The following CYP2C18 variants were observed in gnomAD, a reference collection of about 807,000 sequenced individuals.
CYP2C18 encodes the protein cytochrome P450 family 2 subfamily C member 18.
CYP2C18 carries 38 observed loss-of-function variants against 41.3 expected under a neutral mutation model. The observed-to-expected ratio is 0.92, with a 90% CI of 0.71 to 1.21. The LOEUF (loss-of-function observed/expected upper bound fraction) is 1.21, where lower values mean the gene tolerates loss of function less well. Ranked by LOEUF, CYP2C18 falls within the 50% of genes most tolerant of loss-of-function variation. The pLI is 0.00. For synonymous variants in CYP2C18, 236 were observed against 210.0 expected, an observed-to-expected ratio of 1.12 and a Z score of -1.07; for missense variants, 635 against 591.4, an observed-to-expected ratio of 1.07 and a Z score of -0.77.
At chr10:94,713,194 A>G (rs1459406343) in intron 5 of CYP2C18, among the ~76,000 whole-genome samples, 1 of 151,408 alleles carries the variant, frequency 6.6e-6, no homozygotes, top group South Asian at 2.1e-4. Context: ...TTCTTTTTTT[A>G]ATTATACTTT....
intron 4 of CYP2C18, among the ~76,000 whole-genome samples, chr10:94,701,609 A>G (rs1483182823): frequency 6.6e-6 from 1 of 152,222 alleles, no homozygotes; most frequent in Admixed American, 6.5e-5. Context: ...CCTAAAACTT[A>G]AAGTATAATA....
rs924501845 is a variant in CYP2C18, at chr10:94,736,164, T to A, written c.*720T>A. Reference sequence around the variant, plus strand: ...CTTTGTGTTTCCAACTTAGATCATGTCTAAATATATGCTTTCATATGGCTA... The same window carrying A: ...CTTTGTGTTTCCAACTTAGATCATGACTAAATATATGCTTTCATATGGCTA... On this transcript the variant is annotated 3_prime_UTR_variant, in exon 9 of 9. Transcript: ENST00000285979. 1 of 152,190 alleles carries A rather than the reference T, an allele frequency of 6.6e-6. No homozygotes were observed. Among genetic ancestry groups the A allele is most frequent in the Non-Finnish European group, 1.5e-5 (1 of 68,026 alleles). The allele number at this position is 152,190 out of a possible 1,614,324, so 9.4% of individuals were successfully genotyped here. A position where few individuals can be genotyped will look rare whatever the true frequency, so the allele number is the denominator to read the frequency against.
chr10:94,710,059 T>C (rs1279497275), intron 5 of CYP2C18, among the ~76,000 whole-genome samples: 1 of 152,140 alleles, frequency 6.6e-6, no homozygotes, highest in Non-Finnish European at 1.5e-5. Flanking sequence ...GGCCTCTACC[T>C]CCCGGGCTCA....
At chr10:94,717,038 A>C (rs1346482518) in intron 5 of CYP2C18, among the ~76,000 whole-genome samples, 2 of 152,000 alleles carry the variant, frequency 1.3e-5, no homozygotes, top group Non-Finnish European at 2.9e-5. Context: ...TGCTTGGTAG[A>C]TCTTCCTCCT....
intron 7 of CYP2C18, among the ~76,000 whole-genome samples, chr10:94,728,285 T>A (rs1378894872): frequency 1.3e-5 from 2 of 152,126 alleles, no homozygotes; most frequent in Non-Finnish European, 2.9e-5. Context: ...ACATAGGTGA[T>A]GTTATATACG....
intron 3 of CYP2C18, among the ~76,000 whole-genome samples, chr10:94,691,572 G>C (rs78590583): frequency 0.26 from 38,918 of 151,922 alleles, 5,294 homozygotes; most frequent in South Asian, 0.45. Flanking sequence ...TAGGAAGAAT[G>C]AATATCATGA....
At chr10:94,726,295 C>T (rs902239457) in intron 7 of CYP2C18, among the ~76,000 whole-genome samples, 8 of 152,002 alleles carry the variant, frequency 5.3e-5, no homozygotes, top group Non-Finnish European at 8.8e-5. Flanking sequence ...GTTCGCTGCA[C>T]CCATCAACCT....
At chr10:94,735,155 C>T (rs79429965) in intron 8 of CYP2C18, 108 bp from the exon 9 acceptor site, 68,451 of 1,127,810 alleles carry the variant, frequency 0.061, 2,456 homozygotes, top group South Asian at 0.11. Context: ...ATTCTGCCTT[C>T]GATCCATCCA....
intron 3 of CYP2C18, among the ~76,000 whole-genome samples, chr10:94,693,028 G>T (rs1385435268): frequency 1.3e-5 from 2 of 152,114 alleles, no homozygotes; most frequent in Non-Finnish European, 1.5e-5. Context: ...TGGGGGAAGG[G>T]GGGAGGGATA....
intron 4 of CYP2C18, among the ~76,000 whole-genome samples, chr10:94,703,079 A>G (rs1207290603): frequency 6.6e-6 from 1 of 152,176 alleles, no homozygotes; most frequent in Non-Finnish European, 1.5e-5. Flanking sequence ...AGAACAGCAA[A>G]GATTGCTGCC....
At chr10:94,707,948 A>C (rs753832057) in intron 5 of CYP2C18, among the ~76,000 whole-genome samples, 1 of 151,608 alleles carries the variant, frequency 6.6e-6, no homozygotes, top group Non-Finnish European at 1.5e-5. Context: ...AAGGTAATAT[A>C]GATGCTTCAG....
intron 7 of CYP2C18, among the ~76,000 whole-genome samples, chr10:94,726,844 C>T (rs951961018): frequency 6.6e-6 from 1 of 152,026 alleles, no homozygotes; most frequent in African/African-American, 2.4e-5. Context: ...GAAGCGAGTA[C>T]ATATTGCCAT....
intron 4 of CYP2C18, among the ~76,000 whole-genome samples, chr10:94,705,971 G>T (rs1847335681): frequency 6.6e-6 from 1 of 152,100 alleles, no homozygotes; most frequent in South Asian, 2.1e-4. Flanking sequence ...TGAAAAGCTG[G>T]CATTACTCAC....
chr10:94,689,412 C>A (rs1006498408), intron 3 of CYP2C18, among the ~76,000 whole-genome samples: 28 of 152,016 alleles, frequency 1.8e-4, no homozygotes, highest in African/African-American at 6.8e-4. Context: ...CTAGAAGGGA[C>A]TGCTGCTCCC....
intron 6 of CYP2C18, among the ~76,000 whole-genome samples, chr10:94,722,805 A>G (rs1428631560): frequency 6.6e-6 from 1 of 151,938 alleles, no homozygotes; most frequent in Non-Finnish European, 1.5e-5. Flanking sequence ...GGGTTAAGTA[A>G]GAGTCCACTT....
In CYP2C18 at chr10:94,705,377, G is replaced by T. The variant is rs577625155; in HGVS notation, c.643-1407G>T. Among the ~76,000 whole-genome samples, 16 of 152,268 alleles carry T rather than the reference G, an allele frequency of 1.1e-4. No homozygotes were observed. In the South Asian group the frequency reaches 3.3e-3, roughly 32 times the overall value. On this transcript the variant is annotated intron_variant, in intron 4 of 8. Coordinates refer to ENST00000285979, the MANE Select transcript of CYP2C18 (RefSeq NM_000772.3). ...GGCCTGTCCGGGGTGTTGGTGGAGG[G>T]AGAGCATTAGGAAAAATAGCTAATG...
intron 4 of CYP2C18, among the ~76,000 whole-genome samples, chr10:94,704,834 C>G (rs1163427526): frequency 6.6e-6 from 1 of 152,142 alleles, no homozygotes; most frequent in Non-Finnish European, 1.5e-5. Context: ...CTACTGTGTG[C>G]CTTAACTATA....
intron 5 of CYP2C18, among the ~76,000 whole-genome samples, chr10:94,711,004 T>C (rs1421106455): frequency 6.6e-6 from 1 of 152,216 alleles, no homozygotes; most frequent in Non-Finnish European, 1.5e-5. Flanking sequence ...CCAGCCTTAG[T>C]TGCCTTGTGA....
chr10:94,715,347 G>A (rs1281037333), intron 5 of CYP2C18, among the ~76,000 whole-genome samples: 1 of 152,002 alleles, frequency 6.6e-6, no homozygotes, highest in Non-Finnish European at 1.5e-5. Context: ...ATTTTGAGAT[G>A]TGTCCCATCA....
Sources: allele counts gnomAD v4.1 joint callset (sites outside exome capture counted in the v4.1 genomes callset), GRCh38; gene constraint gnomAD v4.1.1; transcripts MANE v1.5; gene names NCBI Gene and HGNC (gene_info 2026-07-23, HGNC 2026-07-21).